LDLRAD4: variants seen among roughly 807,000 people sequenced by gnomAD.
LDLRAD4 encodes the protein low-density lipoprotein receptor class A domain-containing protein 4.
In LDLRAD4, 5 loss-of-function variants were observed where a neutral mutation model predicts 17.0. The observed-to-expected ratio is 0.29, with a 90% CI of 0.15 to 0.62. LDLRAD4 has a LOEUF of 0.62. Among genes scored for constraint, LDLRAD4 ranks in the 20% least tolerant of loss-of-function variants. The probability of loss-of-function intolerance (pLI) is 0.84; values close to 1 mark genes in which losing one functional copy is unlikely to be tolerated. For missense variants in LDLRAD4, 340 were observed against 424.7 expected, an observed-to-expected ratio of 0.80 and a Z score of 1.75; for synonymous variants, 168 against 171.8, an observed-to-expected ratio of 0.98 and a Z score of 0.17.
At chr18:13,514,775 CT>C (rs1242019064) in intron 3 of LDLRAD4, 1 of 152,248 alleles carries the variant, frequency 6.6e-6, no homozygotes, top group Non-Finnish European at 1.5e-5. Context: ...TGCAGAAGCC[CT>C]GGTGAAACCC....
intron 1 of LDLRAD4, among the ~76,000 whole-genome samples, chr18:13,256,410 C>A (rs913667997): frequency 5.3e-5 from 8 of 152,342 alleles, no homozygotes; most frequent in African/African-American, 1.7e-4. Context: ...GGAATGTGGT[C>A]TCAGCCTCAG....
intron 3 of LDLRAD4, among the ~76,000 whole-genome samples, chr18:13,532,568 T>G (rs915943223): frequency 2.0e-5 from 3 of 152,154 alleles, no homozygotes; most frequent in African/African-American, 7.2e-5. Flanking sequence ...TTGAGGGCAT[T>G]GACATTTGTC....
Position 13,299,811 on chromosome 18 carries a change from C to T in LDLRAD4, c.-383+21623C>T, listed in dbSNP as rs904408529. 7.9e-5 allele frequency among the ~76,000 whole-genome samples: 12 copies of T among 152,196 alleles called. No individual in the cohort carries two copies. The South Asian group carries it at 8.3e-4, about 11-fold the overall frequency. The stretch of plus-strand genomic sequence containing the variant: ...GAGCTATGATCATGCCACTTACCCT[C>T]CAGCCTGGGCGATAGAGCAAGACCC... On this transcript the variant is annotated intron_variant, in intron 1 of 5. Transcript: ENST00000359446.
At chr18:13,611,885 T>C (rs1476095397) in intron 3 of LDLRAD4, 4 of 985,284 alleles carry the variant, frequency 4.1e-6, no homozygotes, top group Non-Finnish European at 4.8e-6. Flanking sequence ...TGGGAGCTGC[T>C]CCCATCAGTT....
intron 1 of LDLRAD4, among the ~76,000 whole-genome samples, chr18:13,321,670 G>A (rs1320842400): frequency 6.6e-6 from 1 of 151,904 alleles, no homozygotes; most frequent in Non-Finnish European, 1.5e-5. Flanking sequence ...GTTTGACCTG[G>A]CCAACATGGT....
At chr18:13,416,634 C>A (rs16940481) in intron 2 of LDLRAD4, among the ~76,000 whole-genome samples, 4 of 152,102 alleles carry the variant, frequency 2.6e-5, no homozygotes, top group African/African-American at 9.7e-5. Flanking sequence ...CATTTTTGCC[C>A]GTGTCTAGTA....
In LDLRAD4 at chr18:13,374,913, G is replaced by A. The variant is rs761868465; in HGVS notation, c.-382-12428G>A. On this transcript the variant is annotated intron_variant, in intron 1 of 5. Transcript: ENST00000359446. ...GGCCCTGGACCTGTGTGTAGGTGCC[G>A]TCTGCAGCCCCATGACGGGGATGGA... Among the ~76,000 whole-genome samples, 8 of 152,266 alleles carry A rather than the reference G, an allele frequency of 5.3e-5. No individual in the cohort carries two copies. The East Asian group carries it at 5.8e-4, about 11-fold the overall frequency.
intron 1 of LDLRAD4, among the ~76,000 whole-genome samples, chr18:13,288,254 C>G (rs752875943): frequency 1.3e-5 from 2 of 152,168 alleles, no homozygotes; most frequent in African/African-American, 2.4e-5. Flanking sequence ...ACCTCAACTT[C>G]AGGTGAATAA....
At chr18:13,271,660 C>T (rs563319785) in intron 1 of LDLRAD4, among the ~76,000 whole-genome samples, 1 of 152,300 alleles carries the variant, frequency 6.6e-6, no homozygotes, top group South Asian at 2.1e-4. Flanking sequence ...TTGGCCTTGT[C>T]CTGTCTTCCT....
rs192786180 is a variant in LDLRAD4 at position 13,617,365 on chromosome 18, G to A, written c.182-3752G>A. On this transcript the variant is annotated intron_variant, in intron 3 of 5. Coordinates refer to ENST00000359446, the Ensembl canonical transcript of LDLRAD4. Reference sequence around the variant, plus strand: ...TTTCAGTCAATATCACATGTTCCATGTGCTGTGTCAGACCAAAAGAGGAAT... The same window carrying A: ...TTTCAGTCAATATCACATGTTCCATATGCTGTGTCAGACCAAAAGAGGAAT... Among the ~76,000 whole-genome samples the A allele has an allele frequency of 1.0e-3, 159 of 152,276 alleles. 1 individual carries two copies. The highest frequency in any genetic ancestry group is 2.0e-3 in the Non-Finnish European group (137 of 68,018).
intron 3 of LDLRAD4, among the ~76,000 whole-genome samples, chr18:13,517,811 T>C (rs1320146830): frequency 1.3e-5 from 2 of 152,202 alleles, no homozygotes. Flanking sequence ...CGATCTCAGC[T>C]CACTGCAAGC....
intron 3 of LDLRAD4, among the ~76,000 whole-genome samples, chr18:13,573,664 C>T (rs923897194): frequency 2.0e-5 from 3 of 152,226 alleles, no homozygotes; most frequent in Admixed American, 6.5e-5. Flanking sequence ...AAAACACACA[C>T]CTTGCATAAG....
intron 3 of LDLRAD4, among the ~76,000 whole-genome samples, chr18:13,588,994 T>C (rs1290204411): frequency 6.6e-6 from 1 of 151,372 alleles, no homozygotes; most frequent in Non-Finnish European, 1.5e-5. Context: ...AGTGGCGCTA[T>C]CTTGGTTCAT....
intron 2 of LDLRAD4, among the ~76,000 whole-genome samples, chr18:13,407,822 G>T (rs2087908543): frequency 6.6e-6 from 1 of 152,146 alleles, no homozygotes; most frequent in African/African-American, 2.4e-5. Flanking sequence ...TTATACTAGG[G>T]TCTGTCCCAC....
intron 2 of LDLRAD4, among the ~76,000 whole-genome samples, chr18:13,431,993 C>T (rs920876703): frequency 3.9e-5 from 6 of 152,166 alleles, no homozygotes; most frequent in African/African-American, 7.2e-5. Context: ...GTTGGCTGAG[C>T]GTGGAGCTGG....
chr18:13,355,303 G>A (rs993503030), intron 1 of LDLRAD4, among the ~76,000 whole-genome samples: 1 of 152,206 alleles, frequency 6.6e-6, no homozygotes, highest in Non-Finnish European at 1.5e-5. Flanking sequence ...GGGGAAGTAG[G>A]AAGAGGCCAG....
chr18:13,572,028 G>GT (rs1175841688), intron 3 of LDLRAD4, among the ~76,000 whole-genome samples: 1 of 152,198 alleles, frequency 6.6e-6, no homozygotes, highest in Non-Finnish European at 1.5e-5. Context: ...TGTACAGTAA[G>GT]TCCCCCCCTT....
chr18:13,501,490 T>C (rs1359982680), intron 3 of LDLRAD4, among the ~76,000 whole-genome samples: 1 of 152,002 alleles, frequency 6.6e-6, no homozygotes, highest in Non-Finnish European at 1.5e-5. Flanking sequence ...CTTGAGCCTG[T>C]CTGTCTGTCT....
At chr18:13,530,640 C>T (rs529874067) in intron 3 of LDLRAD4, among the ~76,000 whole-genome samples, 1 of 152,210 alleles carries the variant, frequency 6.6e-6, no homozygotes, top group Non-Finnish European at 1.5e-5. Flanking sequence ...GGACTCTCTG[C>T]CCACTGAGTG....
Sources: allele counts gnomAD v4.1 joint callset (sites outside exome capture counted in the v4.1 genomes callset), GRCh38; gene constraint gnomAD v4.1.1; transcripts MANE v1.5; gene names NCBI Gene and HGNC (gene_info 2026-07-23, HGNC 2026-07-21).